The following C12orf42 variants were observed in gnomAD, a reference collection of about 807,000 sequenced individuals.
C12orf42 encodes uncharacterized protein C12orf42.
In C12orf42, 25 loss-of-function variants were observed where a neutral mutation model predicts 21.6. The ratio of observed to expected loss-of-function variants is 1.16; its 90% CI spans 0.84 to 1.62. The LOEUF (loss-of-function observed/expected upper bound fraction) is 1.62, where lower values mean the gene tolerates loss of function less well. Among genes scored for constraint, C12orf42 ranks in the 40% most tolerant of loss-of-function variants. The pLI is 0.00. For missense variants in C12orf42, 483 were observed against 459.3 expected (o/e 1.05, Z -0.47); for synonymous variants, 174 against 175.0 (o/e 0.99, Z 0.05).
chr12:103,060,421 A>G, the C12orf42 span, among the ~76,000 whole-genome samples: 1 of 152,230 alleles, frequency 6.6e-6, no homozygotes, highest in Non-Finnish European at 1.5e-5. Context: ...TATAGATTCA[A>G]TGCTATTCCC....
the C12orf42 span, among the ~76,000 whole-genome samples, chr12:103,083,406 T>C: frequency 2.6e-5 from 4 of 152,110 alleles, no homozygotes; most frequent in African/African-American, 9.7e-5. Flanking sequence ...CACAGTTTGA[T>C]GCCCAGAATT....
At chr12:103,395,660 A>G (rs1186693858) in intron 3 of C12orf42, among the ~76,000 whole-genome samples, 1 of 152,186 alleles carries the variant, frequency 6.6e-6, no homozygotes, top group Non-Finnish European at 1.5e-5. Flanking sequence ...TACAATGTGT[A>G]TAATGTTTCT....
intron 5 of C12orf42, among the ~76,000 whole-genome samples, chr12:103,305,537 C>T: frequency 6.6e-6 from 1 of 152,130 alleles, no homozygotes; most frequent in East Asian, 1.9e-4. Context: ...GGGCCATGTC[C>T]TTACTTTGAA....
At chr12:103,186,015 T>C in the C12orf42 span, among the ~76,000 whole-genome samples, 24 of 152,310 alleles carry the variant, frequency 1.6e-4, 1 homozygote, top group African/African-American at 5.3e-4. Flanking sequence ...GCTCCCTTCC[T>C]TAAGAAACTA....
chr12:103,369,259 C>A (rs953573178), intron 3 of C12orf42, among the ~76,000 whole-genome samples: 2 of 151,834 alleles, frequency 1.3e-5, no homozygotes, highest in Non-Finnish European at 2.9e-5. Context: ...TATTCAGTTA[C>A]ACTATATGCT....
chr12:103,087,813 A>T, the C12orf42 span, among the ~76,000 whole-genome samples: 1 of 152,254 alleles, frequency 6.6e-6, no homozygotes, highest in East Asian at 1.9e-4. Flanking sequence ...GCACCATTTT[A>T]TTCAACAGGA....
chr12:103,104,709 A>G, the C12orf42 span, among the ~76,000 whole-genome samples: 2 of 152,222 alleles, frequency 1.3e-5, no homozygotes, highest in Non-Finnish European at 2.9e-5. Context: ...CTGGCATTAC[A>G]GGCGTGAGCC....
chr12:103,056,133 G>C, the C12orf42 span, among the ~76,000 whole-genome samples: 11 of 152,064 alleles, frequency 7.2e-5, no homozygotes, highest in Non-Finnish European at 1.6e-4. Context: ...AGAGGAGTAT[G>C]TCGAAAGTCT....
the C12orf42 span, among the ~76,000 whole-genome samples, chr12:103,122,219 C>T: frequency 6.6e-6 from 1 of 152,144 alleles, no homozygotes. Flanking sequence ...TGCATGTTTC[C>T]ATCTGTGACT....
At chr12:103,369,751 TCTAAAAC>T (rs2045020367) in intron 3 of C12orf42, among the ~76,000 whole-genome samples, 1 of 152,016 alleles carries the variant, frequency 6.6e-6, no homozygotes, top group Non-Finnish European at 1.5e-5. Flanking sequence ...AACTATTCAT[TCTAAAAC>T]CTAAAACTAT....
chr12:103,376,206 C>T (rs1208749785), intron 3 of C12orf42, among the ~76,000 whole-genome samples: 1 of 152,108 alleles, frequency 6.6e-6, no homozygotes, highest in African/African-American at 2.4e-5. Context: ...CACATATATA[C>T]TACGGAATAA....
chr12:103,108,882 T>A, the C12orf42 span, among the ~76,000 whole-genome samples: 1 of 152,134 alleles, frequency 6.6e-6, no homozygotes, highest in Admixed American at 6.5e-5. Context: ...TACCTATGAA[T>A]AAATCCAAGC....
chr12:103,320,097 C>A (rs921197890), intron 4 of C12orf42, among the ~76,000 whole-genome samples: 7 of 152,130 alleles, frequency 4.6e-5, no homozygotes, highest in African/African-American at 1.7e-4. Flanking sequence ...CTACTGCTGT[C>A]CACATAAATG....
chr12:103,167,250 T>C, the C12orf42 span, among the ~76,000 whole-genome samples: 4 of 152,288 alleles, frequency 2.6e-5, no homozygotes, highest in Admixed American at 2.6e-4. Flanking sequence ...CAAGGTCCTG[T>C]TCCAAAGAGA....
chr12:103,196,168 C>T, the C12orf42 span, among the ~76,000 whole-genome samples: 1 of 152,112 alleles, frequency 6.6e-6, no homozygotes, highest in South Asian at 2.1e-4. Flanking sequence ...TTATTGCTTT[C>T]TTCCTTAATT....
the C12orf42 span, among the ~76,000 whole-genome samples, chr12:103,513,575 C>G: frequency 6.6e-6 from 1 of 152,102 alleles, no homozygotes; most frequent in East Asian, 1.9e-4. Context: ...AAAGAAAAAG[C>G]TTTCACTCTC....
chr12:103,234,674 C>A (rs1357093534), downstream of C12orf42, among the ~76,000 whole-genome samples: 2 of 152,112 alleles, frequency 1.3e-5, no homozygotes, highest in African/African-American at 4.8e-5. Context: ...CTAACCCTGT[C>A]TTGCCTTTGT....
intron 2 of C12orf42, among the ~76,000 whole-genome samples, chr12:103,426,415 A>G (rs1247331696): frequency 6.6e-6 from 1 of 152,226 alleles, no homozygotes; most frequent in Non-Finnish European, 1.5e-5. Flanking sequence ...TAGAGAAAAA[A>G]GAATGAAAAA....
chr12:103,189,401 C>G, the C12orf42 span, among the ~76,000 whole-genome samples: 1 of 152,156 alleles, frequency 6.6e-6, no homozygotes, highest in African/African-American at 2.4e-5. Context: ...TCTAGCTCTC[C>G]TCAAGGAAAT....
Sources: allele counts gnomAD v4.1 joint callset (sites outside exome capture counted in the v4.1 genomes callset), GRCh38; gene constraint gnomAD v4.1.1; transcripts MANE v1.5; gene names NCBI Gene and HGNC (gene_info 2026-07-23, HGNC 2026-07-21).